The following TAFA5 variants were observed in gnomAD, a reference collection of about 807,000 sequenced individuals.
TAFA5 encodes the protein chemokine-like protein TAFA-5.
A neutral mutation model predicts 15.3 loss-of-function variants in TAFA5; 6 were observed. That is an observed-to-expected ratio of 0.39 (90% CI 0.21 to 0.77). TAFA5 has a LOEUF of 0.77. Among genes scored for constraint, TAFA5 ranks in the 30% least tolerant of loss-of-function variants. TAFA5 has a pLI of 0.41. For missense variants in TAFA5, 161 were observed against 193.1 expected, an observed-to-expected ratio of 0.83 and a Z score of 0.98; for synonymous variants, 103 against 80.7, an observed-to-expected ratio of 1.28 and a Z score of -1.48.
chr22:48,652,535 C>A (rs1032291000), intron 2 of TAFA5, among the ~76,000 whole-genome samples: 1 of 152,218 alleles, frequency 6.6e-6, no homozygotes, highest in Non-Finnish European at 1.5e-5. Context: ...GCCCTGACCA[C>A]CCTTGGCAGC....
chr22:48,674,813 A>G (rs1927918810), intron 2 of TAFA5, among the ~76,000 whole-genome samples: 2 of 152,160 alleles, frequency 1.3e-5, no homozygotes, highest in African/African-American at 4.8e-5. Flanking sequence ...GGCCCGATGC[A>G]CAGTTTTATC....
At chr22:48,694,737 G>A (rs1928649499) in intron 2 of TAFA5, among the ~76,000 whole-genome samples, 1 of 151,788 alleles carries the variant, frequency 6.6e-6, no homozygotes, top group South Asian at 2.1e-4. Context: ...CCTGTGAGCA[G>A]CTCCAAGACC....
chr22:48,508,426 G>C (rs759857251), intron 1 of TAFA5, among the ~76,000 whole-genome samples: 2 of 152,232 alleles, frequency 1.3e-5, no homozygotes, highest in African/African-American at 2.4e-5. Flanking sequence ...AAAAGGAACA[G>C]GGTGTGCCCA....
intron 1 of TAFA5, among the ~76,000 whole-genome samples, chr22:48,591,530 C>G (rs1219650423): frequency 6.6e-6 from 1 of 152,246 alleles, no homozygotes; most frequent in South Asian, 2.1e-4. Flanking sequence ...TCTGAGGCCT[C>G]GCATTGGACA....
At chr22:48,646,531 G>T in intron 1 of TAFA5, 66 bp from the exon 2 acceptor site, 1 of 1,571,262 alleles carries the variant, frequency 6.4e-7, no homozygotes, top group Non-Finnish European at 8.6e-7. Context: ...GTGGGCTCTG[G>T]GTGGGCTCTG....
At chr22:48,532,523 T>G (rs112563640) in intron 1 of TAFA5, among the ~76,000 whole-genome samples, 116 of 152,346 alleles carry the variant, frequency 7.6e-4, no homozygotes, top group African/African-American at 2.6e-3. Flanking sequence ...TTGGGATCAG[T>G]CAACGATTAC....
chr22:48,617,179 G>A (rs1270137074), intron 1 of TAFA5, among the ~76,000 whole-genome samples: 4 of 149,950 alleles, frequency 2.7e-5, no homozygotes, highest in Middle Eastern at 3.4e-3. Flanking sequence ...TTGAGATGGG[G>A]GCGTGACTGC....
chr22:48,496,088 A>T (rs560525661), intron 1 of TAFA5, among the ~76,000 whole-genome samples: 2 of 152,240 alleles, frequency 1.3e-5, no homozygotes, highest in Non-Finnish European at 2.9e-5. Flanking sequence ...GAGCTAGGCC[A>T]GAAAGTGCCC....
chr22:48,508,509 G>A (rs1281835904), intron 1 of TAFA5, among the ~76,000 whole-genome samples: 1 of 152,072 alleles, frequency 6.6e-6, no homozygotes, highest in African/African-American at 2.4e-5. Context: ...GCGCCCTGAG[G>A]CTGCTGCAGC....
At chr22:48,748,194 C>T (rs1432181814) in intron 3 of TAFA5, among the ~76,000 whole-genome samples, 1 of 152,248 alleles carries the variant, frequency 6.6e-6, no homozygotes, top group African/African-American at 2.4e-5. Context: ...CCACACCGTT[C>T]ATGCCAGCTT....
chr22:48,560,041 A>T lies in TAFA5; in HGVS notation c.112+70337A>T, dbSNP rs1403810630. On this transcript the variant is annotated intron_variant, in intron 1 of 3. Transcript: ENST00000402357. This position sits in a 1 kb window ranked among gnomAD's most constrained non-coding sequence, Gnocchi z 4.2. Reference sequence around the variant, plus strand: ...ACTGCAGGGTCTTCTTTCTATGCACACGCCGGCCATCCTCCATCAGGCAGC... The same window carrying T: ...ACTGCAGGGTCTTCTTTCTATGCACTCGCCGGCCATCCTCCATCAGGCAGC... Among the ~76,000 whole-genome samples, 2 of 152,080 alleles carry T rather than the reference A, an allele frequency of 1.3e-5. No homozygotes were observed. Among genetic ancestry groups the T allele is most frequent in the Non-Finnish European group, 2.9e-5 (2 of 68,006 alleles).
At chr22:48,504,631 G>A (rs1569161246) in intron 1 of TAFA5, among the ~76,000 whole-genome samples, 1 of 152,226 alleles carries the variant, frequency 6.6e-6, no homozygotes, top group Non-Finnish European at 1.5e-5. Context: ...CTGAGGCCTG[G>A]AGAGGGGGCT....
intron 2 of TAFA5, among the ~76,000 whole-genome samples, chr22:48,701,263 C>T (rs1928897458): frequency 1.3e-5 from 2 of 152,152 alleles, no homozygotes; most frequent in Admixed American, 6.5e-5. Flanking sequence ...CCTCCCTCCA[C>T]CCTGCATGCG....
chr22:48,711,438 T>C (rs1432008259), intron 3 of TAFA5, among the ~76,000 whole-genome samples: 1 of 151,862 alleles, frequency 6.6e-6, no homozygotes, highest in Non-Finnish European at 1.5e-5. Context: ...TTCCCAGGTA[T>C]CTCGGGAGAA....
intron 1 of TAFA5, chr22:48,576,241 C>T (rs1441834403): frequency 6.9e-6 from 3 of 437,770 alleles, no homozygotes; most frequent in African/African-American, 4.2e-5. Context: ...GCTAACCTCC[C>T]CGCCCCCGCC....
At chr22:48,584,734 A>G (rs753443843) in intron 1 of TAFA5, among the ~76,000 whole-genome samples, 3 of 146,936 alleles carry the variant, frequency 2.0e-5, no homozygotes, top group Non-Finnish European at 4.5e-5. Flanking sequence ...CACGCACCAT[A>G]TACACGCACC....
intron 1 of TAFA5, among the ~76,000 whole-genome samples, chr22:48,554,811 T>TG (rs1922973794): frequency 6.6e-6 from 1 of 152,226 alleles, no homozygotes; most frequent in East Asian, 1.9e-4. Context: ...TACAAAGATG[T>TG]GGGTCTCTCT....
At chr22:48,699,467 G>A (rs1928835442) in intron 2 of TAFA5, among the ~76,000 whole-genome samples, 1 of 152,164 alleles carries the variant, frequency 6.6e-6, no homozygotes, top group African/African-American at 2.4e-5. Context: ...ACAGGGCACT[G>A]GCAGTGAGCT....
chr22:48,628,294 G>T (rs532340336), intron 1 of TAFA5, among the ~76,000 whole-genome samples: 5 of 152,322 alleles, frequency 3.3e-5, no homozygotes, highest in Admixed American at 2.6e-4. Context: ...GCTTGTGGGG[G>T]TGTCAGAGGA....
Sources: allele counts gnomAD v4.1 joint callset (sites outside exome capture counted in the v4.1 genomes callset), GRCh38; gene constraint gnomAD v4.1.1; non-coding constraint Gnocchi (gnomAD v3.1); transcripts MANE v1.5; gene names NCBI Gene and HGNC (gene_info 2026-07-23, HGNC 2026-07-21).